Variants in POLA1 observed in about 807,000 individuals in gnomAD.
POLA1 encodes the protein DNA polymerase alpha catalytic subunit.
A neutral mutation model predicts 124.0 loss-of-function variants in POLA1; 15 were observed. The ratio of observed to expected loss-of-function variants is 0.12; its 90% CI spans 0.08 to 0.19. POLA1 has a LOEUF of 0.19. POLA1 is among the 10% of genes least tolerant of loss of function. The pLI is 1.00. For synonymous variants in POLA1, 408 were observed against 389.4 expected (o/e 1.05, Z -0.56); for missense variants, 886 against 1,103.4 (o/e 0.80, Z 2.79).
At chrX:24,839,649 A>G (rs770769010) in intron 32 of POLA1, among the ~76,000 whole-genome samples, 7 of 111,976 alleles carry the variant, frequency 6.3e-5, no homozygotes, top group Non-Finnish European at 1.3e-4. Context: ...CCAATTTTGT[A>G]TATGTGCAAA....
chrX:24,855,097 A>G (rs1275385573), intron 34 of POLA1, among the ~76,000 whole-genome samples: 1 of 111,346 alleles, frequency 9.0e-6, no homozygotes, highest in Admixed American at 9.6e-5. Context: ...TAAAGATACT[A>G]TGTACATATA....
At chrX:24,781,736 G>A (rs961570217) in intron 26 of POLA1, among the ~76,000 whole-genome samples, 1 of 111,383 alleles carries the variant, frequency 9.0e-6, no homozygotes, top group Admixed American at 9.6e-5. Context: ...TTCAAGAGAA[G>A]ATGACCTTTT....
intron 34 of POLA1, among the ~76,000 whole-genome samples, chrX:24,858,114 A>G (rs1276452942): frequency 8.9e-6 from 1 of 112,469 alleles, no homozygotes; most frequent in African/African-American, 3.2e-5. Context: ...TAATTTTTGG[A>G]AAGCAAAAAT....
chrX:24,695,484 A>G (rs770975092), intron 1 of POLA1, among the ~76,000 whole-genome samples: 50 of 110,163 alleles, frequency 4.5e-4, no homozygotes, highest in African/African-American at 1.6e-3. Flanking sequence ...ATTTTTATTT[A>G]TTTATTTATT....
At chrX:24,801,929 GTGTGTGTGTGT>G (rs2045717165) in intron 26 of POLA1, among the ~76,000 whole-genome samples, 1 of 93,576 alleles carries the variant, frequency 1.1e-5, no homozygotes, top group Non-Finnish European at 2.1e-5. Flanking sequence ...GGGTGGGTGT[GTGTGTGTGTGT>G]GTGTGTGTGT....
intron 34 of POLA1, among the ~76,000 whole-genome samples, chrX:24,844,961 C>G (rs1253528282): frequency 9.0e-6 from 1 of 111,437 alleles, no homozygotes; most frequent in Non-Finnish European, 1.9e-5. Flanking sequence ...TGAGCTTTCT[C>G]TCTGTGTTTA....
chrX:24,698,890 T>A (rs954308743), intron 1 of POLA1, among the ~76,000 whole-genome samples: 1 of 111,597 alleles, frequency 9.0e-6, no homozygotes, highest in Non-Finnish European at 1.9e-5. Context: ...TGACCTCGGG[T>A]GATCTGCCTG....
chrX:24,814,993 A>G lies in POLA1; in HGVS notation c.3311A>G (p.Gln1104Arg). 9.5e-7 allele frequency: 1 copy of G among 1,049,259 alleles called. No homozygotes were observed. The highest frequency in any genetic ancestry group is 1.3e-6 in the Non-Finnish European group (1 of 795,750). The allele number at this position is 1,049,259 out of a possible 1,213,427, so 86.5% of individuals were successfully genotyped here. The change falls in exon 30 of 37, where the codon CAG becomes CGG. Residue 1104 changes from glutamine to arginine, a missense_variant. This residue lies in a region of POLA1 where 313 missense variants were observed against 359.7 expected (regional missense o/e 0.87). Transcript: ENST00000379068. ...TTTTTTTGCAGCTTTGTGATTGGCC[A>G]GATTCTTTCTGATCAAAGCCGGGAC... ...AKDTGNFVIG[Q>R]ILSDQSRDTI...
chrX:24,919,462 A>G (rs1174924237), intron 35 of POLA1, among the ~76,000 whole-genome samples: 3 of 111,300 alleles, frequency 2.7e-5, no homozygotes, highest in African/African-American at 9.8e-5. Flanking sequence ...CACCATTTAC[A>G]AATGAAAGGT....
chrX:24,732,533 A>G, intron 16 of POLA1, 79 bp downstream of exon 16: 2 of 609,132 alleles, frequency 3.3e-6, no homozygotes, highest in Non-Finnish European at 5.4e-6. Flanking sequence ...TTGGATCAGT[A>G]ACTTGTTTTT....
intron 34 of POLA1, among the ~76,000 whole-genome samples, 189 bp from the exon 35 acceptor site, chrX:24,887,817 G>A (rs1371619953): frequency 9.4e-6 from 1 of 106,467 alleles, no homozygotes; most frequent in Admixed American, 1.0e-4. Flanking sequence ...TAACTTAATG[G>A]TTTTCCTAAC....
At chrX:24,760,920 G>C (rs918082916) in intron 26 of POLA1, among the ~76,000 whole-genome samples, 1 of 111,812 alleles carries the variant, frequency 8.9e-6, no homozygotes, top group Non-Finnish European at 1.9e-5. Flanking sequence ...TTGTGCAGCT[G>C]TCCTTGTTTC....
At chrX:24,930,404 C>T in intron 35 of POLA1, 49 bp from the exon 36 acceptor site, 1 of 819,607 alleles carries the variant, frequency 1.2e-6, no homozygotes, top group South Asian at 2.1e-5. Flanking sequence ...ATCCCCATCG[C>T]TTCCCCCTCC....
chrX:24,834,006 G>A (rs1312267644), intron 32 of POLA1, among the ~76,000 whole-genome samples: 1 of 108,866 alleles, frequency 9.2e-6, no homozygotes, highest in Non-Finnish European at 1.9e-5. Context: ...GATCACTTAA[G>A]CCAGGGAGGT....
chrX:24,917,024 C>G (rs1601868446), intron 35 of POLA1, among the ~76,000 whole-genome samples: 1 of 112,288 alleles, frequency 8.9e-6, no homozygotes, highest in East Asian at 2.8e-4. Flanking sequence ...AAAAGGCAGG[C>G]TGGGCATGGT....
At chrX:24,710,132 T>C (rs1309402904) in intron 4 of POLA1, among the ~76,000 whole-genome samples, 1 of 102,798 alleles carries the variant, frequency 9.7e-6, no homozygotes, top group Non-Finnish European at 2.0e-5. Context: ...TTTTTTTTTT[T>C]ACTGTGGTAA....
chrX:24,761,427 T>C (rs1206435570), intron 26 of POLA1, among the ~76,000 whole-genome samples: 2 of 111,275 alleles, frequency 1.8e-5, no homozygotes, highest in Non-Finnish European at 3.8e-5. Context: ...CAGACGACAT[T>C]TTCAGCCCTG....
chrX:24,802,998 C>CA (rs1222244357), intron 26 of POLA1, among the ~76,000 whole-genome samples: 51 of 108,393 alleles, frequency 4.7e-4, no homozygotes, highest in African/African-American at 1.0e-3. Flanking sequence ...GACTCCATCT[C>CA]AAAAAAAAAT....
intron 34 of POLA1, among the ~76,000 whole-genome samples, chrX:24,872,137 A>G (rs1266535697): frequency 1.8e-5 from 2 of 111,525 alleles, no homozygotes; most frequent in African/African-American, 6.5e-5. Context: ...AAAAATTGGA[A>G]GAAGGGGGAA....
Sources: gnomAD v4.1 joint callset for allele counts (sites outside exome capture counted in the v4.1 genomes callset) on GRCh38, gnomAD v4.1.1 for gene constraint, gnomAD v4.1.1 regional missense constraint, MANE v1.5 for transcripts, NCBI Gene and HGNC (gene_info 2026-07-23, HGNC 2026-07-21) for gene names.